HPSE2: variants seen among roughly 807,000 people sequenced by gnomAD.
HPSE2 encodes inactive heparanase-2.
A neutral mutation model predicts 60.5 loss-of-function variants in HPSE2; 38 were observed. The observed-to-expected ratio is 0.63, with a 90% CI of 0.48 to 0.82. The LOEUF is 0.82. Ranked by LOEUF, HPSE2 falls within the 40% of genes least tolerant of loss-of-function variation. The pLI is 0.00. For missense variants in HPSE2, 713 were observed against 740.4 expected, an observed-to-expected ratio of 0.96 and a Z score of 0.43; for synonymous variants, 295 against 293.2, an observed-to-expected ratio of 1.01 and a Z score of -0.06.
At chr10:98,975,800 T>C (rs555034906) in intron 3 of HPSE2, among the ~76,000 whole-genome samples, 5 of 152,134 alleles carry the variant, frequency 3.3e-5, no homozygotes, top group Non-Finnish European at 5.9e-5. Context: ...GGCACTCAGT[T>C]TGCCTGAACA....
chr10:99,010,449 G>A (rs1384751117), intron 3 of HPSE2, among the ~76,000 whole-genome samples: 4 of 152,142 alleles, frequency 2.6e-5, no homozygotes, highest in African/African-American at 9.7e-5. Context: ...GACTCCTATT[G>A]ATTCCAGAGA....
At chr10:99,105,378 T>C (rs1284757421) in intron 3 of HPSE2, among the ~76,000 whole-genome samples, 3 of 152,158 alleles carry the variant, frequency 2.0e-5, no homozygotes, top group African/African-American at 4.8e-5. Context: ...CATTTGAATA[T>C]CTTCTTTGGA....
intron 3 of HPSE2, among the ~76,000 whole-genome samples, chr10:98,819,531 A>G (rs1278416689): frequency 1.3e-5 from 2 of 151,962 alleles, no homozygotes; most frequent in African/African-American, 4.8e-5. Flanking sequence ...GGGTAAGATA[A>G]TTCTTAAAGC....
intron 7 of HPSE2, among the ~76,000 whole-genome samples, chr10:98,635,033 GTTGC>G (rs1214835664): frequency 2.6e-5 from 4 of 152,146 alleles, no homozygotes; most frequent in Admixed American, 6.6e-5. Flanking sequence ...TCTTATTACT[GTTGC>G]TTGCTTAATT....
At chr10:98,797,179 T>C (rs534677827) in intron 3 of HPSE2, among the ~76,000 whole-genome samples, 35 of 152,254 alleles carry the variant, frequency 2.3e-4, no homozygotes, top group African/African-American at 8.4e-4. Flanking sequence ...GAAACAGATA[T>C]ATGACCTTCC....
At chr10:98,829,133 A>G (rs1951621939) in intron 3 of HPSE2, among the ~76,000 whole-genome samples, 1 of 152,196 alleles carries the variant, frequency 6.6e-6, no homozygotes, top group Admixed American at 6.5e-5. Flanking sequence ...TACTTAGAAT[A>G]GTCAAATTCA....
chr10:98,956,654 C>T (rs1027586084), intron 3 of HPSE2, among the ~76,000 whole-genome samples: 5 of 152,154 alleles, frequency 3.3e-5, no homozygotes, highest in Non-Finnish European at 7.3e-5. Flanking sequence ...AAGAAGAATA[C>T]ACTTCTTTCC....
chr10:98,943,656 C>T (rs944685973), intron 3 of HPSE2, among the ~76,000 whole-genome samples: 22 of 152,264 alleles, frequency 1.4e-4, no homozygotes, highest in African/African-American at 5.1e-4. Flanking sequence ...TGTCTCTATA[C>T]ACTAGCTCTG....
At chr10:98,482,447 C>G (rs1941273639) in intron 11 of HPSE2, among the ~76,000 whole-genome samples, 189 bp downstream of exon 11, 1 of 152,192 alleles carries the variant, frequency 6.6e-6, no homozygotes, top group Non-Finnish European at 1.5e-5. Flanking sequence ...ACTGGGGAAT[C>G]TAAGATAGGG....
intron 9 of HPSE2, among the ~76,000 whole-genome samples, chr10:98,596,250 A>T (rs1945233737): frequency 2.0e-5 from 3 of 152,166 alleles, no homozygotes; most frequent in Non-Finnish European, 2.9e-5. Flanking sequence ...CTCTGCTCCC[A>T]CATTTTATAA....
intron 3 of HPSE2, among the ~76,000 whole-genome samples, chr10:99,053,719 CTTTTTTTTTTTTTT>C (rs11301458): frequency 1.7e-5 from 1 of 57,808 alleles, no homozygotes; most frequent in African/African-American, 7.8e-5. Context: ...GAGTTACAGT[CTTTTTTTTTTTTTT>C]TTTTTTTTTT....
At chr10:99,097,772 T>G (rs894088777) in intron 3 of HPSE2, among the ~76,000 whole-genome samples, 2 of 152,192 alleles carry the variant, frequency 1.3e-5, no homozygotes, top group Admixed American at 1.3e-4. Context: ...ACGAACTAGA[T>G]AGAAATTATC....
chr10:99,260,508 C>T, the HPSE2 span, among the ~76,000 whole-genome samples: 1 of 152,188 alleles, frequency 6.6e-6, no homozygotes, highest in South Asian at 2.1e-4. Flanking sequence ...GCCTTTCTCA[C>T]TACCCTTCAA....
intron 9 of HPSE2, among the ~76,000 whole-genome samples, chr10:98,573,280 T>G (rs1944550004): frequency 6.6e-6 from 1 of 152,208 alleles, no homozygotes; most frequent in Admixed American, 6.5e-5. Flanking sequence ...CCAAACAAAA[T>G]CTGGAACTCA....
chr10:98,597,160 C>T lies in HPSE2; in HGVS notation c.1320+17744G>A, dbSNP rs150856893. Reference sequence around the variant, plus strand: ...TGATTCAATTACCTCCCACCAGGTCCCTCCTACAACACATGGGGATTACGG... The same window carrying T: ...TGATTCAATTACCTCCCACCAGGTCTCTCCTACAACACATGGGGATTACGG... On this transcript the variant is annotated intron_variant, in intron 9 of 11. Transcript: ENST00000370552. Among the ~76,000 whole-genome samples, 359 of 152,200 alleles carry T rather than the reference C, an allele frequency of 2.4e-3. 1 individual carries two copies. Among genetic ancestry groups the T allele is most frequent in the African/African-American group, 8.3e-3 (345 of 41,530 alleles).
intron 9 of HPSE2, among the ~76,000 whole-genome samples, chr10:98,570,619 C>T (rs1944468735): frequency 6.6e-6 from 1 of 151,980 alleles, no homozygotes; most frequent in Admixed American, 6.5e-5. Context: ...GGATACATTG[C>T]TTTGTCTGCT....
chr10:98,594,800 T>C (rs1352356446), intron 9 of HPSE2, among the ~76,000 whole-genome samples: 1 of 152,224 alleles, frequency 6.6e-6, no homozygotes, highest in East Asian at 1.9e-4. Context: ...ATTGATTTCA[T>C]TTCCTTTGGA....
intron 7 of HPSE2, 123 bp downstream of exon 7, chr10:98,641,724 G>A: frequency 2.6e-6 from 2 of 783,448 alleles, no homozygotes; most frequent in Non-Finnish European, 4.6e-6. Flanking sequence ...CATCTAGACT[G>A]CACTATTTTC....
intron 3 of HPSE2, among the ~76,000 whole-genome samples, chr10:99,010,280 G>T (rs149319843): frequency 6.6e-6 from 1 of 151,994 alleles, no homozygotes; most frequent in African/African-American, 2.4e-5. Context: ...CATTATAAAA[G>T]GTAAATAAAA....
Sources: allele counts gnomAD v4.1 joint callset (sites outside exome capture counted in the v4.1 genomes callset), GRCh38; gene constraint gnomAD v4.1.1; transcripts MANE v1.5; gene names NCBI Gene and HGNC (gene_info 2026-07-23, HGNC 2026-07-21).